Variants in MAGI2 observed in about 807,000 individuals in gnomAD.
MAGI2 encodes the protein membrane associated guanylate kinase, WW and PDZ domain containing 2.
Under a neutral mutation model 133.3 loss-of-function variants are expected in MAGI2, and 35 were observed. That is an observed-to-expected ratio of 0.26 (90% CI 0.20 to 0.35). The LOEUF (loss-of-function observed/expected upper bound fraction) is 0.35, where lower values mean the gene tolerates loss of function less well. Ranked by LOEUF, MAGI2 falls within the 10% of genes least tolerant of loss-of-function variation. The pLI, the probability that MAGI2 is intolerant of heterozygous loss-of-function variation, is 1.00. For missense variants in MAGI2, 1,636 were observed against 1,863.4 expected (o/e 0.88, Z 2.25); for synonymous variants, 729 against 710.6 (o/e 1.03, Z -0.41).
intron 6 of MAGI2, among the ~76,000 whole-genome samples, chr7:78,483,690 C>T (rs535953050): frequency 6.6e-5 from 10 of 151,810 alleles, no homozygotes; most frequent in East Asian, 2.0e-4. Flanking sequence ...ACTTCTGACC[C>T]GAAAAGACTG....
At chr7:79,378,924 GTGTATATA>G (rs1443284050) in intron 1 of MAGI2, among the ~76,000 whole-genome samples, 68 of 48,214 alleles carry the variant, frequency 1.4e-3, no homozygotes, top group South Asian at 4.0e-3. Flanking sequence ...ATATGTGTGT[GTGTATATA>G]TATATATATA....
At chr7:78,667,918 G>T (rs1281513773) in intron 2 of MAGI2, among the ~76,000 whole-genome samples, 4 of 152,136 alleles carry the variant, frequency 2.6e-5, no homozygotes, top group Non-Finnish European at 5.9e-5. Context: ...TAATGGGATG[G>T]CTGGGTCAAA....
At chr7:78,958,255 C>T (rs182769271) in intron 2 of MAGI2, among the ~76,000 whole-genome samples, 2 of 152,246 alleles carry the variant, frequency 1.3e-5, no homozygotes, top group East Asian at 3.9e-4. Flanking sequence ...TAGTAGCAGG[C>T]AGCTGTGCCC....
At chr7:78,159,370 A>G (rs936817686) in intron 16 of MAGI2, among the ~76,000 whole-genome samples, 2 of 151,708 alleles carry the variant, frequency 1.3e-5, no homozygotes, top group African/African-American at 4.9e-5. Flanking sequence ...TTCAATTTCC[A>G]CAAGCATTTA....
chr7:78,074,302 G>A (rs1448437156), intron 21 of MAGI2, among the ~76,000 whole-genome samples: 1 of 152,006 alleles, frequency 6.6e-6, no homozygotes, highest in Non-Finnish European at 1.5e-5. Flanking sequence ...TTTTTCAATT[G>A]TACCTAGGCT....
intron 2 of MAGI2, among the ~76,000 whole-genome samples, chr7:78,881,718 G>A (rs10267177): frequency 0.011 from 1,721 of 151,942 alleles, 30 homozygotes; most frequent in African/African-American, 0.039. Flanking sequence ...AAACAACAAA[G>A]TTAAAGCAGA....
chr7:79,267,703 T>C (rs1443263688), intron 1 of MAGI2, among the ~76,000 whole-genome samples: 1 of 152,062 alleles, frequency 6.6e-6, no homozygotes, highest in Non-Finnish European at 1.5e-5. Context: ...AAACTGACAA[T>C]AGACAGATAG....
chr7:78,564,292 G>T (rs1450985808), intron 3 of MAGI2, among the ~76,000 whole-genome samples: 1 of 152,122 alleles, frequency 6.6e-6, no homozygotes, highest in Non-Finnish European at 1.5e-5. Flanking sequence ...GATTTAATCT[G>T]TCACCTTGGA....
intron 11 of MAGI2, among the ~76,000 whole-genome samples, chr7:78,197,440 G>A (rs67073434): frequency 0.2 from 30,619 of 152,160 alleles, 3,398 homozygotes; most frequent in South Asian, 0.38. Context: ...ATTCCATTGA[G>A]GGTTACTTCA....
At chr7:79,188,673 G>A (rs1263152696) in intron 1 of MAGI2, among the ~76,000 whole-genome samples, 3 of 151,718 alleles carry the variant, frequency 2.0e-5, no homozygotes, top group South Asian at 2.1e-4. Context: ...GCTAAAAAGC[G>A]CTAATATTGT....
chr7:78,551,412 C>A (rs1319109300), intron 3 of MAGI2, among the ~76,000 whole-genome samples: 2 of 152,200 alleles, frequency 1.3e-5, no homozygotes, highest in African/African-American at 4.8e-5. Context: ...TGAGTCTCTT[C>A]CACAAGATTT....
intron 1 of MAGI2, among the ~76,000 whole-genome samples, chr7:79,371,743 TGTATTC>T (rs1843066024): frequency 6.6e-6 from 1 of 152,142 alleles, no homozygotes; most frequent in Non-Finnish European, 1.5e-5. Flanking sequence ...AAGCATTGCC[TGTATTC>T]GTTTTTAGAA....
chr7:78,764,066 C>T (rs1253643232), intron 2 of MAGI2, among the ~76,000 whole-genome samples: 1 of 152,102 alleles, frequency 6.6e-6, no homozygotes, highest in Non-Finnish European at 1.5e-5. Flanking sequence ...AACTGGAAGA[C>T]CAGAGGAAAA....
At chr7:79,137,486 C>T (rs547036952) in intron 1 of MAGI2, among the ~76,000 whole-genome samples, 109 of 132,050 alleles carry the variant, frequency 8.3e-4, no homozygotes, top group African/African-American at 2.7e-3. Context: ...TTCATTCTGT[C>T]GCCTAGTTTG....
At chr7:78,974,124 A>G (rs77108825) in intron 2 of MAGI2, among the ~76,000 whole-genome samples, 2,140 of 151,884 alleles carry the variant, frequency 0.014, 40 homozygotes, top group African/African-American at 0.046. Flanking sequence ...GTGTTTTTTG[A>G]AAAACTCCCT....
At chr7:78,894,892 C>G (rs1460433410) in intron 2 of MAGI2, among the ~76,000 whole-genome samples, 1 of 152,050 alleles carries the variant, frequency 6.6e-6, no homozygotes, top group Non-Finnish European at 1.5e-5. Context: ...TTACCCTAAG[C>G]AACAAAATAT....
At chr7:78,020,907 G>A (rs1242994151) in intron 21 of MAGI2, among the ~76,000 whole-genome samples, 1 of 152,074 alleles carries the variant, frequency 6.6e-6, no homozygotes, top group East Asian at 1.9e-4. Flanking sequence ...ACATTATGGA[G>A]GGCCCCAGGA....
chr7:78,482,589 CTA>C (rs1792509783), intron 6 of MAGI2, among the ~76,000 whole-genome samples: 1 of 151,836 alleles, frequency 6.6e-6, no homozygotes, highest in Non-Finnish European at 1.5e-5. Flanking sequence ...AAGTAGCAAA[CTA>C]TTGATACACA....
intron 12 of MAGI2, among the ~76,000 whole-genome samples, chr7:78,192,083 A>G (rs1471023162): frequency 4.6e-5 from 7 of 152,162 alleles, no homozygotes; most frequent in Admixed American, 3.9e-4. Flanking sequence ...TTTGAAAGTG[A>G]ATGCAAAAAT....
Sources: allele counts gnomAD v4.1 joint callset (sites outside exome capture counted in the v4.1 genomes callset), GRCh38; gene constraint gnomAD v4.1.1; transcripts MANE v1.5; gene names NCBI Gene and HGNC (gene_info 2026-07-23, HGNC 2026-07-21).